The following UBE2D3 variants were observed in gnomAD, a reference collection of about 807,000 sequenced individuals.
UBE2D3 encodes ubiquitin-conjugating enzyme E2 D3.
In UBE2D3, 2 loss-of-function variants were observed where a neutral mutation model predicts 22.8. The ratio of observed to expected loss-of-function variants is 0.09; its 90% CI spans 0.04 to 0.28. UBE2D3 has a LOEUF of 0.28. Ranked by LOEUF, UBE2D3 falls within the 10% of genes least tolerant of loss-of-function variation. UBE2D3 has a pLI of 1.00. For synonymous variants in UBE2D3, 56 were observed against 60.4 expected (o/e 0.93, Z 0.34); for missense variants, 27 against 182.5 (o/e 0.15, Z 4.91).
At chr4:102,862,969 A>G (rs1732967596) in intron 1 of UBE2D3, among the ~76,000 whole-genome samples, 1 of 152,178 alleles carries the variant, frequency 6.6e-6, no homozygotes, top group Admixed American at 6.5e-5. Context: ...AGAGGAACCC[A>G]TGAATACACA....
At position 102,835,752 on chromosome 4, in the gene UBE2D3, CTAAA is replaced by C. The variant is rs150125544; in HGVS notation, c.-128-9120_-128-9117del. ...TTGACATACAATAAATTATACATAC[CTAAA>C]TAAACAGTTTGATAAGCTAACATAT... On this transcript the variant is annotated intron_variant, in intron 1 of 7. Coordinates refer to the UBE2D3 transcript ENST00000338145. Among the ~76,000 whole-genome samples the C allele has an allele frequency of 4.5e-3, 665 of 147,716 alleles. 3 individuals carry two copies. Among genetic ancestry groups the C allele is most frequent in the African/African-American group, 0.016 (624 of 39,134 alleles).
chr4:102,813,163 C>A (rs1206237926), intron 2 of UBE2D3, among the ~76,000 whole-genome samples: 2 of 152,090 alleles, frequency 1.3e-5, no homozygotes, highest in Non-Finnish European at 2.9e-5. Flanking sequence ...TAAAAGTCCA[C>A]CAATCCTCTC....
intron 2 of UBE2D3, among the ~76,000 whole-genome samples, chr4:102,814,298 T>C (rs1728483624): frequency 3.1e-5 from 1 of 32,412 alleles, no homozygotes; most frequent in Admixed American, 3.3e-4. Context: ...GAAAATGACT[T>C]TTTTTTTTGA....
chr4:102,868,852 G>A (rs1276565909), exon 1 of UBE2D3: 11 of 1,546,222 alleles, frequency 7.1e-6, no homozygotes, highest in Non-Finnish European at 9.8e-6. Flanking sequence ...ATTCCGAGGA[G>A]GGCCTCGCTA....
At chr4:102,842,751 T>G (rs1029793802) in intron 1 of UBE2D3, among the ~76,000 whole-genome samples, 1 of 152,138 alleles carries the variant, frequency 6.6e-6, no homozygotes, top group Non-Finnish European at 1.5e-5. Flanking sequence ...GTCTTTAGAT[T>G]TGGAGACAAC....
At chr4:102,860,439 GTT>G (rs1732839959) in intron 1 of UBE2D3, among the ~76,000 whole-genome samples, 2 of 149,458 alleles carry the variant, frequency 1.3e-5, no homozygotes, top group Admixed American at 6.7e-5. Context: ...GTGTGTGTGT[GTT>G]CTTTTAAGCC....
intron 2 of UBE2D3, chr4:102,825,655 C>G: frequency 1.0e-6 from 1 of 976,950 alleles, no homozygotes; most frequent in Non-Finnish European, 1.4e-6. Flanking sequence ...CGATAATATA[C>G]TATCAAACCA....
intron 5 of UBE2D3, 168 bp downstream of exon 5, chr4:102,802,393 A>C: frequency 4.5e-6 from 2 of 440,382 alleles, no homozygotes; most frequent in Non-Finnish European, 8.0e-6. Flanking sequence ...TACAAAGCTC[A>C]AACTGAGGTC....
intron 2 of UBE2D3, chr4:102,825,811 C>G: frequency 2.2e-6 from 1 of 456,090 alleles, no homozygotes; most frequent in Non-Finnish European, 4.4e-6. Flanking sequence ...CCTTTTACAT[C>G]AGTTCCCGGT....
intron 4 of UBE2D3, 59 bp downstream of exon 4, chr4:102,809,613 C>T (rs1727634597): frequency 6.7e-7 from 1 of 1,493,992 alleles, no homozygotes; most frequent in Admixed American, 2.3e-5. Flanking sequence ...TTAAAAATTA[C>T]AACCAAATCA....
intron 2 of UBE2D3, chr4:102,819,596 A>G (rs1055236729): frequency 2.1e-5 from 21 of 985,288 alleles, no homozygotes; most frequent in Non-Finnish European, 2.5e-5. Context: ...AACGCCATAA[A>G]TAACTTATTC....
At position 102,833,560 on chromosome 4, in the gene UBE2D3, A is replaced by C. The variant is rs151195063; in HGVS notation, c.-128-6924T>G. 1.4e-3 allele frequency among the ~76,000 whole-genome samples: 206 copies of C among 152,352 alleles called. No homozygotes were observed. In the Middle Eastern group the frequency reaches 0.017, roughly 13 times the overall value. ...AAAAGTTCATGTAGAGAATTCAAAG[A>C]ATTTAGTTTGATGTAGATAGAGATT... On this transcript the variant is annotated intron_variant, in intron 1 of 7. Transcript: ENST00000338145.
chr4:102,868,333 G>A (rs1412066450), intron 1 of UBE2D3, among the ~76,000 whole-genome samples: 1 of 152,006 alleles, frequency 6.6e-6, no homozygotes, highest in African/African-American at 2.4e-5. Flanking sequence ...CTCCCTAAGT[G>A]CTGGGATTAC....
chr4:102,832,520 G>T (rs929564013), upstream of UBE2D3, among the ~76,000 whole-genome samples: 2 of 152,068 alleles, frequency 1.3e-5, no homozygotes, highest in Non-Finnish European at 2.9e-5. Flanking sequence ...AGTATGTATT[G>T]GGATGGAGAC....
intron 6 of UBE2D3, among the ~76,000 whole-genome samples, chr4:102,799,996 C>T (rs1725888465): frequency 1.3e-5 from 2 of 151,924 alleles, no homozygotes; most frequent in African/African-American, 4.8e-5. Context: ...AGCAAGAAAC[C>T]ATATTCCCAA....
chr4:102,815,789 A>G (rs189925133), intron 2 of UBE2D3, among the ~76,000 whole-genome samples: 1 of 152,328 alleles, frequency 6.6e-6, no homozygotes, highest in Non-Finnish European at 1.5e-5. Flanking sequence ...AATCAGCCCA[A>G]TACACTTACC....
chr4:102,804,616 A>C (rs1274087820), intron 4 of UBE2D3, among the ~76,000 whole-genome samples: 1 of 152,216 alleles, frequency 6.6e-6, no homozygotes, highest in African/African-American at 2.4e-5. Context: ...CCAATACTAT[A>C]CAAGATATGT....
chr4:102,868,885 C>T, upstream of UBE2D3: 5 of 1,485,642 alleles, frequency 3.4e-6, no homozygotes, highest in Admixed American at 1.9e-5. Flanking sequence ...CGCGCCTCGG[C>T]AGTCCGCCGC....
At chr4:102,848,292 T>C (rs1477817848) in intron 1 of UBE2D3, among the ~76,000 whole-genome samples, 3 of 151,744 alleles carry the variant, frequency 2.0e-5, no homozygotes, top group Admixed American at 6.6e-5. Flanking sequence ...AGGAGGATCA[T>C]TGGAGCTCAG....
Sources: gnomAD v4.1 joint callset for allele counts (sites outside exome capture counted in the v4.1 genomes callset) on GRCh38, gnomAD v4.1.1 for gene constraint, MANE v1.5 for transcripts, NCBI Gene and HGNC (gene_info 2026-07-23, HGNC 2026-07-21) for gene names.